The following LINGO2 variants were observed in gnomAD, a reference collection of about 807,000 sequenced individuals.
The protein encoded by LINGO2 is leucine rich repeat and Ig domain containing 2, also known as leucine-rich repeat and immunoglobulin-like domain-containing nogo receptor-interacting protein 2.
A neutral mutation model predicts 30.6 loss-of-function variants in LINGO2; 14 were observed. The ratio of observed to expected loss-of-function variants is 0.46; its 90% CI spans 0.30 to 0.72. The LOEUF (loss-of-function observed/expected upper bound fraction) is 0.72, where lower values mean the gene tolerates loss of function less well. Ranked by LOEUF, LINGO2 falls within the 30% of genes least tolerant of loss-of-function variation. LINGO2 has a pLI of 0.07. For missense variants in LINGO2, 729 were observed against 751.7 expected (o/e 0.97, Z 0.35); for synonymous variants, 317 against 288.5 (o/e 1.10, Z -1.00).
At chr9:28,210,619 A>G (rs1470280677) in intron 4 of LINGO2, among the ~76,000 whole-genome samples, 2 of 151,548 alleles carry the variant, frequency 1.3e-5, no homozygotes, top group Non-Finnish European at 3.0e-5. Context: ...ACTTAATGTG[A>G]CAGAATTACA....
chr9:28,250,374 A>T (rs1822153165), intron 4 of LINGO2, among the ~76,000 whole-genome samples: 1 of 152,200 alleles, frequency 6.6e-6, no homozygotes, highest in African/African-American at 2.4e-5. Context: ...TGGCTAGAGA[A>T]TTTAGCACAG....
At chr9:28,872,712 A>C in the LINGO2 span, among the ~76,000 whole-genome samples, 1 of 152,150 alleles carries the variant, frequency 6.6e-6, no homozygotes, top group East Asian at 1.9e-4. Context: ...AACAGTTCTT[A>C]GATGTATTAA....
chr9:28,876,951 T>A, the LINGO2 span, among the ~76,000 whole-genome samples: 1 of 152,164 alleles, frequency 6.6e-6, no homozygotes, highest in Non-Finnish European at 1.5e-5. Context: ...TTCTAACTGG[T>A]GTGAGATGGT....
chr9:28,573,553 A>C (rs560318252), intron 1 of LINGO2, among the ~76,000 whole-genome samples: 48 of 152,270 alleles, frequency 3.2e-4, no homozygotes, highest in African/African-American at 1.2e-3. Flanking sequence ...TACTGCAGGA[A>C]CATGACTATT....
intron 1 of LINGO2, among the ~76,000 whole-genome samples, chr9:28,539,121 T>A (rs1198925136): frequency 6.6e-6 from 1 of 152,084 alleles, no homozygotes; most frequent in East Asian, 1.9e-4. Flanking sequence ...AGGTTGAAAT[T>A]AAAGATATAA....
chr9:28,036,308 C>G lies in LINGO2; in HGVS notation c.-86-23903G>C, dbSNP rs560500320. 1.2e-3 allele frequency among the ~76,000 whole-genome samples: 179 copies of G among 152,198 alleles called. 1 individual carries two copies. Among genetic ancestry groups the G allele is most frequent in the African/African-American group, 3.5e-3 (144 of 41,510 alleles). On this transcript the variant is annotated intron_variant, in intron 4 of 5. Coordinates refer to ENST00000379992, the Ensembl canonical transcript of LINGO2. The stretch of plus-strand genomic sequence containing the variant: ...ATAATTAGCTAATTATTCTTTTTTA[C>G]TAAAAGCGAAAGGATACATGAGCAC...
At chr9:28,724,240 C>T in the LINGO2 span, among the ~76,000 whole-genome samples, 2 of 152,180 alleles carry the variant, frequency 1.3e-5, no homozygotes, top group Admixed American at 1.3e-4. Flanking sequence ...CATTGAGTAA[C>T]ATGTTTGGCA....
At chr9:29,053,335 G>C in the LINGO2 span, among the ~76,000 whole-genome samples, 1 of 152,112 alleles carries the variant, frequency 6.6e-6, no homozygotes, top group African/African-American at 2.4e-5. Flanking sequence ...ACTCAGCTTA[G>C]AAAAATATTC....
At chr9:28,045,488 G>A (rs1824379029) in intron 4 of LINGO2, among the ~76,000 whole-genome samples, 1 of 152,068 alleles carries the variant, frequency 6.6e-6, no homozygotes, top group Non-Finnish European at 1.5e-5. Flanking sequence ...AATGATACAG[G>A]GGAAAAGTAG....
chr9:28,188,937 T>G (rs1819642708), intron 4 of LINGO2, among the ~76,000 whole-genome samples: 1 of 152,036 alleles, frequency 6.6e-6, no homozygotes, highest in East Asian at 1.9e-4. Context: ...GGGAAAAGCA[T>G]CTCTTCAGAA....
chr9:28,990,934 T>C, the LINGO2 span, among the ~76,000 whole-genome samples: 1 of 152,092 alleles, frequency 6.6e-6, no homozygotes, highest in Non-Finnish European at 1.5e-5. Context: ...GCAGAAAGAC[T>C]GGAAACTCTA....
At chr9:28,828,821 C>T in the LINGO2 span, among the ~76,000 whole-genome samples, 1 of 152,108 alleles carries the variant, frequency 6.6e-6, no homozygotes, top group Non-Finnish European at 1.5e-5. Flanking sequence ...TACTAATACA[C>T]AAGTTTTACT....
chr9:28,933,759 G>A, the LINGO2 span, among the ~76,000 whole-genome samples: 16 of 152,274 alleles, frequency 1.1e-4, no homozygotes, highest in African/African-American at 3.6e-4. Flanking sequence ...AAGGACATCC[G>A]CCCAACAATT....
the LINGO2 span, among the ~76,000 whole-genome samples, chr9:28,863,985 A>G: frequency 6.6e-6 from 1 of 152,144 alleles, no homozygotes; most frequent in Non-Finnish European, 1.5e-5. Context: ...AGGATGAAAA[A>G]ACAGGGTTCT....
the LINGO2 span, among the ~76,000 whole-genome samples, chr9:29,103,656 C>T: frequency 6.6e-6 from 1 of 151,988 alleles, no homozygotes; most frequent in South Asian, 2.1e-4. Context: ...TTTCTTTCTT[C>T]CCAGTATTAA....
chr9:28,072,730 G>T (rs899093101), intron 4 of LINGO2, among the ~76,000 whole-genome samples: 13 of 152,112 alleles, frequency 8.5e-5, no homozygotes, highest in African/African-American at 3.1e-4. Context: ...ACCTTCTCCA[G>T]TGTAAAATAC....
At chr9:28,396,673 C>T (rs925554141) in intron 2 of LINGO2, among the ~76,000 whole-genome samples, 10 of 115,290 alleles carry the variant, frequency 8.7e-5, no homozygotes, top group South Asian at 2.9e-4. Context: ...CACTGCACTC[C>T]AGCCTGGGTG....
chr9:29,126,577 G>A, the LINGO2 span, among the ~76,000 whole-genome samples: 1 of 151,988 alleles, frequency 6.6e-6, no homozygotes, highest in Non-Finnish European at 1.5e-5. Context: ...AGTATCTTAT[G>A]TGCTATTTCT....
chr9:29,198,887 C>A, the LINGO2 span, among the ~76,000 whole-genome samples: 14,751 of 151,976 alleles, frequency 0.097, 966 homozygotes, highest in African/African-American at 0.19. Flanking sequence ...TGTAACTGGA[C>A]GAAAATGCAT....
Sources: gnomAD v4.1 joint callset for allele counts (sites outside exome capture counted in the v4.1 genomes callset) on GRCh38, gnomAD v4.1.1 for gene constraint, MANE v1.5 for transcripts, NCBI Gene and HGNC (gene_info 2026-07-23, HGNC 2026-07-21) for gene names.